The following HTR2A variants were observed in gnomAD, a reference collection of about 807,000 sequenced individuals.
HTR2A encodes the protein 5-hydroxytryptamine receptor 2A, also known as 5-HT2 receptor.
A neutral mutation model predicts 31.0 loss-of-function variants in HTR2A; 14 were observed. The ratio of observed to expected loss-of-function variants is 0.45; its 90% confidence interval spans 0.30 to 0.71. The LOEUF (loss-of-function observed/expected upper bound fraction) is 0.71. Among genes scored for constraint, HTR2A ranks in the 30% least tolerant of loss-of-function variants. The probability of loss-of-function intolerance (pLI) is 0.09; values close to 1 mark genes in which losing one functional copy is unlikely to be tolerated. For missense variants in HTR2A, 442 were observed against 573.3 expected (o/e 0.77, Z 2.34); for synonymous variants, 209 against 225.2 (o/e 0.93, Z 0.64).
intron 3 of HTR2A, among the ~76,000 whole-genome samples, chr13:46,865,860 G>A (rs1950814861): frequency 1.3e-5 from 2 of 152,166 alleles, no homozygotes; most frequent in Admixed American, 1.3e-4. Flanking sequence ...ATACTGATCA[G>A]CATTTATCAC....
intron 3 of HTR2A, among the ~76,000 whole-genome samples, chr13:46,890,066 G>C (rs1187926307): frequency 1.3e-5 from 2 of 151,300 alleles, no homozygotes; most frequent in East Asian, 3.8e-4. Context: ...GGTCAAATGT[G>C]GGGGCAGTGG....
intron 3 of HTR2A, among the ~76,000 whole-genome samples, chr13:46,889,950 G>T (rs2138252286): frequency 6.6e-6 from 1 of 152,148 alleles, no homozygotes; most frequent in African/African-American, 2.4e-5. Flanking sequence ...TTATTCTTTT[G>T]TTTCCTTGTC....
chr13:46,850,484 G>A (rs1267142859), intron 3 of HTR2A, among the ~76,000 whole-genome samples: 1 of 152,166 alleles, frequency 6.6e-6, no homozygotes, highest in Non-Finnish European at 1.5e-5. Flanking sequence ...GCCACAGCCT[G>A]GCTCTGTAGT....
chr13:46,847,886 C>T (rs1331170719), intron 3 of HTR2A, among the ~76,000 whole-genome samples: 2 of 152,080 alleles, frequency 1.3e-5, no homozygotes, highest in Non-Finnish European at 2.9e-5. Flanking sequence ...CACAGAAAGT[C>T]CCTAACTAGC....
chr13:46,864,477 C>T (rs1470590229), intron 3 of HTR2A, among the ~76,000 whole-genome samples: 1 of 152,126 alleles, frequency 6.6e-6, no homozygotes, highest in Non-Finnish European at 1.5e-5. Flanking sequence ...AAGGCCCTCG[C>T]AGGTCTTACA....
rs150974943 is a variant in HTR2A at position 46,871,758 on chromosome 13, G to A, written c.613+20632C>T. Among the ~76,000 whole-genome samples, 768 of 152,234 alleles carry A rather than the reference G, an allele frequency of 5.0e-3. 7 individuals are homozygous for A. The highest frequency in any genetic ancestry group is 0.018 in the African/African-American group (733 of 41,530). On this transcript the variant is annotated intron_variant, in intron 3 of 3. Coordinates refer to ENST00000542664, the MANE Select transcript of HTR2A (RefSeq NM_000621.5). ...CCTAACTGGCTGAGTATGGCTCTGCGGGTCATGTGGAAACTTAGAAGTAGA... is the reference window on the plus strand; with the variant it reads ...CCTAACTGGCTGAGTATGGCTCTGCAGGTCATGTGGAAACTTAGAAGTAGA...
chr13:46,842,698 G>T (rs1206023048), intron 3 of HTR2A, among the ~76,000 whole-genome samples: 3 of 152,052 alleles, frequency 2.0e-5, no homozygotes, highest in South Asian at 2.1e-4. Flanking sequence ...ATAGTCATAT[G>T]GTGTTCTCTC....
chr13:46,891,192 C>T (rs879501657), intron 3 of HTR2A, among the ~76,000 whole-genome samples: 11 of 152,114 alleles, frequency 7.2e-5, no homozygotes, highest in South Asian at 2.1e-4. Flanking sequence ...CTATCTCAAA[C>T]GGTAATGGGA....
intron 3 of HTR2A, among the ~76,000 whole-genome samples, chr13:46,848,272 C>T (rs1288840260): frequency 6.6e-6 from 1 of 152,188 alleles, no homozygotes; most frequent in East Asian, 1.9e-4. Flanking sequence ...CTTCCCCAGT[C>T]TTAAGTATGC....
chr13:46,893,168 C>T (rs1445131349), intron 2 of HTR2A, among the ~76,000 whole-genome samples: 2 of 152,114 alleles, frequency 1.3e-5, no homozygotes, highest in African/African-American at 4.8e-5. Context: ...CTTTGGGTGC[C>T]AAACTCAAAT....
intron 3 of HTR2A, among the ~76,000 whole-genome samples, chr13:46,859,086 T>C (rs1950761022): frequency 6.6e-6 from 1 of 152,236 alleles, no homozygotes; most frequent in Admixed American, 6.5e-5. Context: ...CTACTTTATC[T>C]TTTGAAAGAA....
intron 2 of HTR2A, among the ~76,000 whole-genome samples, chr13:46,894,678 T>A (rs1951087332): frequency 6.6e-6 from 1 of 152,160 alleles, no homozygotes; most frequent in Non-Finnish European, 1.5e-5. Context: ...CACAATAGTC[T>A]CTCCTTTAAG....
At chr13:46,877,766 C>G (rs954146048) in intron 3 of HTR2A, among the ~76,000 whole-genome samples, 1 of 151,962 alleles carries the variant, frequency 6.6e-6, no homozygotes, top group Non-Finnish European at 1.5e-5. Flanking sequence ...CAAAGCAGGG[C>G]AAGTACCTCA....
At chr13:46,875,670 A>G (rs1950903023) in intron 3 of HTR2A, among the ~76,000 whole-genome samples, 1 of 152,180 alleles carries the variant, frequency 6.6e-6, no homozygotes, top group Non-Finnish European at 1.5e-5. Flanking sequence ...AATGAGAGCC[A>G]AGGAGGATCA....
At position 46,877,810 on chromosome 13, in the gene HTR2A, T is replaced by G. The variant is rs60252822; in HGVS notation, c.613+14580A>C. On this transcript the variant is annotated intron_variant, in intron 3 of 3. Transcript: ENST00000542664. ...GGGAAGGGGAAATGTGAAGGCTTCCTGGAAGAGGTGATGCCAAAATCATAG... is the reference window on the plus strand; with the variant it reads ...GGGAAGGGGAAATGTGAAGGCTTCCGGGAAGAGGTGATGCCAAAATCATAG... Among the ~76,000 whole-genome samples the G allele has an allele frequency of 5.6e-3, 857 of 152,164 alleles. 6 individuals are homozygous for G. The highest frequency in any genetic ancestry group is 0.031 in the Middle Eastern group (9 of 294).
At position 46,835,311 on chromosome 13, in the gene HTR2A, G is replaced by A. The variant is rs1876405409; in HGVS notation, c.942C>T (p.Ser314=). Residue 314 remains serine (S), a synonymous_variant, in exon 4 of 4, where the codon TCC becomes TCT. Transcript: ENST00000542664. The part of the protein sequence containing the change: ...GSYTGRRTMQ[S]ISNEQKACKV... ...TGCATGCCTTTTGCTCATTGCTGAT[G>A]GACTGCATAGTCCTCCTGCCTGTGT... 3 of 1,613,920 alleles carry A rather than the reference G, an allele frequency of 1.9e-6. No individual in the cohort carries two copies. The highest frequency in any genetic ancestry group is 1.1e-5 in the South Asian group (1 of 91,068).
intron 3 of HTR2A, among the ~76,000 whole-genome samples, chr13:46,873,114 T>G (rs1950876798): frequency 6.6e-6 from 1 of 152,070 alleles, no homozygotes; most frequent in South Asian, 2.1e-4. Context: ...GAAATGATCT[T>G]CAGTTATGAG....
chr13:46,885,823 C>G (rs1242406624), intron 3 of HTR2A, among the ~76,000 whole-genome samples: 2 of 152,188 alleles, frequency 1.3e-5, no homozygotes, highest in East Asian at 3.8e-4. Context: ...ATTGCCATGA[C>G]TGTTTAAGAG....
chr13:46,844,553 C>T (rs145654299), intron 3 of HTR2A, among the ~76,000 whole-genome samples: 12 of 152,318 alleles, frequency 7.9e-5, no homozygotes, highest in African/African-American at 2.6e-4. Flanking sequence ...GGGAAAAGAT[C>T]GCTGTAGAAC....
Sources: gnomAD v4.1 joint callset for allele counts (sites outside exome capture counted in the v4.1 genomes callset) on GRCh38, gnomAD v4.1.1 for gene constraint, MANE v1.5 for transcripts, NCBI Gene and HGNC (gene_info 2026-07-23, HGNC 2026-07-21) for gene names.